The following PEPD variants were observed in gnomAD, a reference collection of about 807,000 sequenced individuals.
PEPD encodes the protein xaa-Pro dipeptidase.
PEPD carries 53 observed loss-of-function variants against 60.7 expected under a neutral mutation model. The ratio of observed to expected loss-of-function variants is 0.87; its 90% CI spans 0.70 to 1.10. The LOEUF (loss-of-function observed/expected upper bound fraction) is 1.10, where lower values mean the gene tolerates loss of function less well. PEPD is among the 50% of genes least tolerant of loss of function. The probability of loss-of-function intolerance (pLI) is 0.00; values close to 1 mark genes in which losing one functional copy is unlikely to be tolerated. For missense variants in PEPD, 711 were observed against 711.9 expected (o/e 1.00, Z 0.01); for synonymous variants, 267 against 284.1 (o/e 0.94, Z 0.60).
At chr19:33,402,726 C>T (rs1968527834) in intron 11 of PEPD, among the ~76,000 whole-genome samples, 1 of 152,182 alleles carries the variant, frequency 6.6e-6, no homozygotes, top group Admixed American at 6.5e-5. Context: ...CAGAGACCAG[C>T]AGGACACAGG....
intron 6 of PEPD, among the ~76,000 whole-genome samples, chr19:33,481,948 G>A (rs1255538093): frequency 6.6e-6 from 1 of 151,962 alleles, no homozygotes; most frequent in Non-Finnish European, 1.5e-5. Context: ...ATGGACCCAG[G>A]AGGCGGAGGT....
At chr19:33,456,514 C>T (rs1969803865) in intron 9 of PEPD, among the ~76,000 whole-genome samples, 1 of 152,176 alleles carries the variant, frequency 6.6e-6, no homozygotes, top group African/African-American at 2.4e-5. Context: ...AGCAGCAAAC[C>T]TACTCCAAGC....
intron 9 of PEPD, among the ~76,000 whole-genome samples, chr19:33,426,626 C>G (rs1969156092): frequency 6.6e-6 from 1 of 152,240 alleles, no homozygotes; most frequent in African/African-American, 2.4e-5. Context: ...GAGCACAGGA[C>G]ACTGGATACA....
At chr19:33,401,623 G>A in intron 12 of PEPD, 98 bp downstream of exon 12, 5 of 1,154,570 alleles carry the variant, frequency 4.3e-6, no homozygotes, top group Non-Finnish European at 6.3e-6. Flanking sequence ...GCAGATTCAA[G>A]TCACACAATG....
At chr19:33,489,725 GCCTGCCCCTGCCCTTGCC>G (rs955040615) in intron 6 of PEPD, among the ~76,000 whole-genome samples, 31 of 152,262 alleles carry the variant, frequency 2.0e-4, no homozygotes, top group Non-Finnish European at 4.0e-4. Flanking sequence ...ACCCACCTGT[GCCTGCCCCTGCCCTTGCC>G]CCTGCCCCTG....
rs572602335 is a variant in PEPD, at chr19:33,496,024, G to A, written c.394-2687C>T. 1.2e-4 allele frequency among the ~76,000 whole-genome samples: 19 copies of A among 152,120 alleles called. No individual in the cohort carries two copies. The East Asian group carries it at 3.3e-3, about 26-fold the overall frequency. On this transcript the variant is annotated intron_variant, in intron 4 of 14. Transcript: ENST00000244137. ...AAAAACACCCAAAAGGTTCAGCTGT[G>A]TCCCTACACACCCTCAGCCCCTCCT... is the stretch of plus-strand genomic sequence containing the variant.
chr19:33,433,117 C>T (rs1273571037), intron 9 of PEPD, among the ~76,000 whole-genome samples: 1 of 152,238 alleles, frequency 6.6e-6, no homozygotes, highest in African/African-American at 2.4e-5. Context: ...CATGTTGTCC[C>T]TAATCAACTG....
chr19:33,492,761 C>T (rs1970524298), intron 5 of PEPD, among the ~76,000 whole-genome samples: 1 of 152,198 alleles, frequency 6.6e-6, no homozygotes, highest in African/African-American at 2.4e-5. Flanking sequence ...GCGCCAGGCC[C>T]ACATCCTCAC....
At chr19:33,517,954 CA>C (rs74174669) in intron 1 of PEPD, among the ~76,000 whole-genome samples, 5,902 of 119,544 alleles carry the variant, frequency 0.049, 248 homozygotes, top group African/African-American at 0.13. Flanking sequence ...GACTCCCTCT[CA>C]AAAAAAAAAA....
intron 9 of PEPD, among the ~76,000 whole-genome samples, chr19:33,461,306 TA>T (rs573690841): frequency 0.028 from 3,967 of 144,188 alleles, 70 homozygotes; most frequent in South Asian, 0.074. Context: ...ATTTCCTGTT[TA>T]AAAAAAAAAA....
intron 7 of PEPD, among the ~76,000 whole-genome samples, chr19:33,473,099 G>A (rs1335197737): frequency 6.6e-6 from 1 of 152,108 alleles, no homozygotes; most frequent in Non-Finnish European, 1.5e-5. Flanking sequence ...CCACCTCCAC[G>A]CTGGACCAGG....
Position 33,387,165 on chromosome 19 carries a change from G to GTCAT in PEPD, c.*178_*179insATGA. On this transcript the variant is annotated 3_prime_UTR_variant, in exon 15 of 15. Coordinates refer to ENST00000244137, the MANE Select transcript of PEPD (RefSeq NM_000285.4). The stretch of plus-strand genomic sequence containing the variant: ...ATTAAAGGTGGGAGCCTGCAAAAGG[G>GTCAT]TAATTAAAAAAGTGTTTCCTCCCCG... 5 of 653,178 alleles carry GTCAT rather than the reference G, an allele frequency of 7.7e-6. No individual in the cohort carries two copies. Among genetic ancestry groups the GTCAT allele is most frequent in the Non-Finnish European group, 1.1e-5 (4 of 378,022 alleles). 40.5% of individuals were successfully genotyped at this position (653,178 alleles called of 1,614,324 possible).
chr19:33,391,637 CA>C (rs1439863997), intron 12 of PEPD, among the ~76,000 whole-genome samples, 158 bp from the exon 13 acceptor site: 1 of 152,156 alleles, frequency 6.6e-6, no homozygotes, highest in African/African-American at 2.4e-5. Flanking sequence ...CCCAGGGGGA[CA>C]AGGACTAGGG....
At chr19:33,484,612 C>A (rs1336709901) in intron 6 of PEPD, among the ~76,000 whole-genome samples, 3 of 152,198 alleles carry the variant, frequency 2.0e-5, no homozygotes, top group African/African-American at 7.2e-5. Context: ...CACAAACACA[C>A]ACTAAGGCAC....
intron 3 of PEPD, among the ~76,000 whole-genome samples, chr19:33,503,197 C>T (rs1215892160): frequency 6.6e-6 from 1 of 152,138 alleles, no homozygotes; most frequent in African/African-American, 2.4e-5. Flanking sequence ...AAGTACTGGC[C>T]ACAGGGCCCA....
intron 9 of PEPD, among the ~76,000 whole-genome samples, chr19:33,447,834 A>T (rs1969620370): frequency 6.6e-6 from 1 of 152,164 alleles, no homozygotes; most frequent in Non-Finnish European, 1.5e-5. Context: ...CCCATCCTCC[A>T]TGCCACAGAC....
chr19:33,416,000 G>A (rs1340752593), intron 9 of PEPD, among the ~76,000 whole-genome samples: 2 of 152,240 alleles, frequency 1.3e-5, no homozygotes, highest in Non-Finnish European at 2.9e-5. Context: ...CTTTAGGCTT[G>A]GGGTGTGGAC....
At chr19:33,387,704 C>T (rs1968108945) in intron 14 of PEPD, 186 bp downstream of exon 14, 1 of 766,382 alleles carries the variant, frequency 1.3e-6, no homozygotes, top group Non-Finnish European at 2.2e-6. Context: ...AGGGGTTTTG[C>T]AGGATCTCTG....
chr19:33,395,634 C>A (rs533193075), intron 12 of PEPD, among the ~76,000 whole-genome samples: 26 of 152,346 alleles, frequency 1.7e-4, no homozygotes, highest in Admixed American at 3.3e-4. Flanking sequence ...AGGGCCCAGG[C>A]CAGCTCCTTG....
Sources: gnomAD v4.1 joint callset for allele counts (sites outside exome capture counted in the v4.1 genomes callset) on GRCh38, gnomAD v4.1.1 for gene constraint, MANE v1.5 for transcripts, NCBI Gene and HGNC (gene_info 2026-07-23, HGNC 2026-07-21) for gene names.